The following F13A1 variants were observed in gnomAD, a reference collection of about 807,000 sequenced individuals.
F13A1 encodes coagulation factor XIII A chain.
In F13A1, 47 loss-of-function variants were observed where a neutral mutation model predicts 80.1. That is an observed-to-expected ratio of 0.59 (90% confidence interval 0.46 to 0.75). The LOEUF is 0.75. F13A1 is among the 30% of genes least tolerant of loss of function. F13A1 has a pLI of 0.00. For synonymous variants in F13A1, 349 were observed against 344.9 expected, an observed-to-expected ratio of 1.01 and a Z score of -0.13; for missense variants, 817 against 930.4, an observed-to-expected ratio of 0.88 and a Z score of 1.59.
chr6:6,311,683 A>T (rs111609557), intron 2 of F13A1, among the ~76,000 whole-genome samples: 3 of 145,124 alleles, frequency 2.1e-5, no homozygotes, highest in African/African-American at 2.5e-5. Context: ...TATATTACAT[A>T]TGTTTATATT....
chr6:6,302,762 G>C (rs1034445397), intron 3 of F13A1, among the ~76,000 whole-genome samples: 1 of 152,118 alleles, frequency 6.6e-6, no homozygotes, highest in African/African-American at 2.4e-5. Flanking sequence ...TATGTAACAG[G>C]AATTTTTCAG....
chr6:6,299,136 T>C (rs1265649838), intron 3 of F13A1, among the ~76,000 whole-genome samples: 3 of 142,556 alleles, frequency 2.1e-5, no homozygotes, highest in South Asian at 2.2e-4. Flanking sequence ...TCTGATGGGC[T>C]TCCCTTTGAG....
At chr6:6,307,542 G>T (rs911610400) in intron 2 of F13A1, among the ~76,000 whole-genome samples, 4 of 152,010 alleles carry the variant, frequency 2.6e-5, no homozygotes, top group Admixed American at 2.6e-4. Flanking sequence ...TTAGCACAGG[G>T]GCTTTAAAGT....
intron 3 of F13A1, among the ~76,000 whole-genome samples, chr6:6,279,867 A>G (rs1294812948): frequency 6.6e-6 from 1 of 152,260 alleles, no homozygotes; most frequent in Non-Finnish European, 1.5e-5. Context: ...TCTTCCAAAC[A>G]AAACAGGCCA....
intron 4 of F13A1, among the ~76,000 whole-genome samples, chr6:6,252,420 T>C (rs1215235027): frequency 6.6e-6 from 1 of 152,200 alleles, no homozygotes; most frequent in East Asian, 1.9e-4. Context: ...TATGTATCTA[T>C]GTATACTGTA....
chr6:6,173,897 CAT>C lies in F13A1; in HGVS notation c.1747+681_1747+682del, dbSNP rs1203591675. On this transcript the variant is annotated intron_variant, in intron 12 of 14. Coordinates refer to ENST00000264870, the MANE Select transcript of F13A1 (RefSeq NM_000129.4). ...CAGTCTGCTTGGGATCTTGTCAAAA[CAT>C]GGATTTTGATTCAGAGGGTGTGGGG... Among the ~76,000 whole-genome samples, 6 of 152,238 alleles carry C rather than the reference CAT, an allele frequency of 3.9e-5. No homozygotes were observed. In the East Asian group the frequency reaches 1.2e-3, roughly 29 times the overall value.
rs1183583716 is a variant in F13A1, at chr6:6,243,637, G to A, written c.798+4675C>T. ...GGCCCTCTAAGGTAATATGATCTGA[G>A]AGTAAGGACCATATCTGGTTTCAGC... On this transcript the variant is annotated intron_variant, in intron 6 of 14. Transcript: ENST00000264870. This position sits in a 1 kb window ranked among gnomAD's most constrained non-coding sequence, Gnocchi z 4.2. Among the ~76,000 whole-genome samples, 1 of 152,170 alleles carries A rather than the reference G, an allele frequency of 6.6e-6. No individual in the cohort carries two copies. The highest frequency in any genetic ancestry group is 1.5e-5 in the Non-Finnish European group (1 of 68,018).
At chr6:6,314,039 T>C (rs1378326156) in intron 2 of F13A1, among the ~76,000 whole-genome samples, 1 of 145,720 alleles carries the variant, frequency 6.9e-6, no homozygotes, top group Non-Finnish European at 1.5e-5. Context: ...TGGAGTGCAA[T>C]GGCACAATCT....
intron 12 of F13A1, among the ~76,000 whole-genome samples, chr6:6,170,831 C>T (rs964819191): frequency 1.3e-5 from 2 of 152,056 alleles, no homozygotes; most frequent in African/African-American, 4.8e-5. Flanking sequence ...TGGCTTTTTG[C>T]AATACACTGC....
chr6:6,254,456 T>C (rs1583096533), intron 4 of F13A1, among the ~76,000 whole-genome samples: 1 of 152,092 alleles, frequency 6.6e-6, no homozygotes, highest in Non-Finnish European at 1.5e-5. Flanking sequence ...AAAAAGAAGA[T>C]GCAGGTACTG....
At chr6:6,287,490 G>GAA (rs1758155416) in intron 3 of F13A1, among the ~76,000 whole-genome samples, 1 of 152,070 alleles carries the variant, frequency 6.6e-6, no homozygotes, top group Admixed American at 6.6e-5. Context: ...GAATAGGAAA[G>GAA]AGGGGAGAAA....
At chr6:6,186,666 A>C (rs982154814) in intron 10 of F13A1, among the ~76,000 whole-genome samples, 7 of 152,192 alleles carry the variant, frequency 4.6e-5, no homozygotes, top group African/African-American at 1.7e-4. Context: ...TGATGCCTCC[A>C]GCTTTGTTCT....
chr6:6,149,454 T>C (rs1583042809), intron 14 of F13A1, among the ~76,000 whole-genome samples: 1 of 152,198 alleles, frequency 6.6e-6, no homozygotes, highest in African/African-American at 2.4e-5. Context: ...TGTGATACCA[T>C]TTAGCGATGG....
chr6:6,314,978 G>A (rs1194117728), intron 2 of F13A1, among the ~76,000 whole-genome samples: 1 of 152,196 alleles, frequency 6.6e-6, no homozygotes, highest in Non-Finnish European at 1.5e-5. Context: ...GTGGGATGGA[G>A]GAGATTCTTA....
At chr6:6,182,906 G>A (rs1015874181) in intron 10 of F13A1, among the ~76,000 whole-genome samples, 9 of 152,148 alleles carry the variant, frequency 5.9e-5, no homozygotes, top group Admixed American at 5.9e-4. Flanking sequence ...AATATTAGAT[G>A]ATCTAGGAGG....
At chr6:6,266,964 T>C (rs1757854460) in intron 3 of F13A1, among the ~76,000 whole-genome samples, 155 bp from the exon 4 acceptor site, 1 of 152,256 alleles carries the variant, frequency 6.6e-6, no homozygotes, top group Non-Finnish European at 1.5e-5. Flanking sequence ...GCAAATTACT[T>C]TGATTGTAAG....
In F13A1 at chr6:6,158,576, C is replaced by G. The variant is rs190419273; in HGVS notation, c.1909-6627G>C. 1.2e-4 allele frequency among the ~76,000 whole-genome samples: 18 copies of G among 152,182 alleles called. No homozygotes were observed. In the East Asian group the frequency reaches 3.5e-3, roughly 29 times the overall value. ...GCCACAAAGGGGAGAGGTGAAGAAG[C>G]CCACCTCCTGGTTCCCATCCCCGGC... On this transcript the variant is annotated intron_variant, in intron 13 of 14. Coordinates refer to ENST00000264870, the MANE Select transcript of F13A1 (RefSeq NM_000129.4).
At chr6:6,195,437 T>C (rs1438787508) in intron 10 of F13A1, among the ~76,000 whole-genome samples, 1 of 152,238 alleles carries the variant, frequency 6.6e-6, no homozygotes, top group Non-Finnish European at 1.5e-5. Flanking sequence ...GGAAGTGGCA[T>C]GTCCTGAAAT....
chr6:6,209,254 T>G (rs1034309492), intron 8 of F13A1, among the ~76,000 whole-genome samples: 2 of 150,714 alleles, frequency 1.3e-5, no homozygotes, highest in Non-Finnish European at 2.9e-5. Flanking sequence ...CATTGGTCAT[T>G]AGAGAAATGA....
Sources: allele counts gnomAD v4.1 joint callset (sites outside exome capture counted in the v4.1 genomes callset), GRCh38; gene constraint gnomAD v4.1.1; non-coding constraint Gnocchi (gnomAD v3.1); transcripts MANE v1.5; gene names NCBI Gene and HGNC (gene_info 2026-07-23, HGNC 2026-07-21).